Variants in ERC1 observed in about 807,000 individuals in gnomAD.
The protein encoded by ERC1 is ELKS/RAB6-interacting/CAST family member 1.
A neutral mutation model predicts 132.0 loss-of-function variants in ERC1; 56 were observed. The ratio of observed to expected loss-of-function variants is 0.42; its 90% CI spans 0.34 to 0.53. The LOEUF (loss-of-function observed/expected upper bound fraction) is 0.53, where lower values mean the gene tolerates loss of function less well. Among genes scored for constraint, ERC1 ranks in the 20% least tolerant of loss-of-function variants. The pLI is 0.03. For missense variants in ERC1, 1,202 were observed against 1,349.9 expected (o/e 0.89, Z 1.72); for synonymous variants, 478 against 476.1 (o/e 1.00, Z -0.05).
intron 1 of ERC1, among the ~76,000 whole-genome samples, chr12:1,008,985 G>A (rs541640577): frequency 1.3e-5 from 2 of 152,242 alleles, no homozygotes; most frequent in East Asian, 3.9e-4. Flanking sequence ...CAGGTCTGGA[G>A]TTTAGGAAAG....
chr12:1,023,136 C>G (rs35791297), intron 1 of ERC1, among the ~76,000 whole-genome samples: 5,047 of 152,232 alleles, frequency 0.033, 158 homozygotes, highest in South Asian at 0.046. Context: ...TGGACTAATA[C>G]AGGACTCTGA....
At chr12:1,240,518 G>C (rs112572950) in intron 13 of ERC1, among the ~76,000 whole-genome samples, 5 of 152,134 alleles carry the variant, frequency 3.3e-5, no homozygotes, top group African/African-American at 1.2e-4. Context: ...CCATATTTGC[G>C]TAGCCCTGGA....
chr12:1,227,593 C>T (rs2074689255), intron 12 of ERC1, among the ~76,000 whole-genome samples: 1 of 152,144 alleles, frequency 6.6e-6, no homozygotes, highest in African/African-American at 2.4e-5. Flanking sequence ...TTTTCCCATT[C>T]TTTAAGTTGT....
At chr12:1,420,998 A>C (rs2092406508) in intron 17 of ERC1, among the ~76,000 whole-genome samples, 1 of 150,336 alleles carries the variant, frequency 6.7e-6, no homozygotes, top group South Asian at 2.1e-4. Flanking sequence ...TTAAATTGAC[A>C]TCTAATAATT....
At chr12:1,362,226 A>G (rs1477614079) in intron 15 of ERC1, among the ~76,000 whole-genome samples, 2 of 152,214 alleles carry the variant, frequency 1.3e-5, no homozygotes, top group Non-Finnish European at 2.9e-5. Flanking sequence ...GTCTGACAGC[A>G]CTGAAGCTGT....
At chr12:1,345,814 T>C (rs1425432584) in intron 15 of ERC1, among the ~76,000 whole-genome samples, 8 of 152,220 alleles carry the variant, frequency 5.3e-5, no homozygotes, top group Non-Finnish European at 1.0e-4. Flanking sequence ...GTTTTGCTTA[T>C]TTAATTTTAT....
chr12:1,119,163 G>A (rs1003274811), intron 7 of ERC1, among the ~76,000 whole-genome samples: 3 of 152,150 alleles, frequency 2.0e-5, no homozygotes, highest in Non-Finnish European at 4.4e-5. Flanking sequence ...ACAGGCGTGA[G>A]CCACTGTGCC....
intron 15 of ERC1, among the ~76,000 whole-genome samples, chr12:1,360,949 T>C (rs2086035818): frequency 6.6e-6 from 1 of 151,746 alleles, no homozygotes; most frequent in African/African-American, 2.4e-5. Flanking sequence ...AAGCTAGGTA[T>C]GGTGATGCCA....
intron 17 of ERC1, among the ~76,000 whole-genome samples, chr12:1,431,961 A>G (rs571883148): frequency 2.0e-5 from 3 of 152,060 alleles, no homozygotes; most frequent in African/African-American, 7.2e-5. Flanking sequence ...TGCAGCCTCA[A>G]CCTCCTTCCC....
intron 2 of ERC1, among the ~76,000 whole-genome samples, chr12:1,071,621 G>T (rs1168972820): frequency 6.6e-6 from 1 of 151,666 alleles, no homozygotes; most frequent in Non-Finnish European, 1.5e-5. Context: ...GTTATATGTG[G>T]CATGCCAATT....
intron 1 of ERC1, chr12:998,350 A>C (rs953236769): frequency 6.6e-6 from 1 of 152,214 alleles, no homozygotes; most frequent in African/African-American, 2.4e-5. Flanking sequence ...ATGTGGGTGC[A>C]GTTGGCACCT....
intron 18 of ERC1, among the ~76,000 whole-genome samples, chr12:1,483,706 T>G (rs1428734468): frequency 2.7e-5 from 3 of 112,436 alleles, no homozygotes; most frequent in African/African-American, 1.1e-4. Context: ...TTTTTTTTTT[T>G]GGAGACAGAG....
In ERC1 at chr12:1,238,672, T is replaced by C. The variant is rs146284895; in HGVS notation, c.2487+1768T>C. On this transcript the variant is annotated intron_variant, in intron 13 of 18. Transcript: ENST00000360905. ...TGATAAGGCAAGCCTCTCTTTATGT[T>C]AGCACTTTAACTGTTTCATTTGTCT... is the stretch of plus-strand genomic sequence containing the variant. 1.6e-3 allele frequency among the ~76,000 whole-genome samples: 251 copies of C among 152,280 alleles called. 1 individual carries two copies. Among genetic ancestry groups the C allele is most frequent in the Middle Eastern group, 6.8e-3 (2 of 294 alleles).
intron 15 of ERC1, among the ~76,000 whole-genome samples, chr12:1,322,285 A>C (rs1202327090): frequency 1.3e-5 from 2 of 152,176 alleles, no homozygotes; most frequent in Non-Finnish European, 2.9e-5. Flanking sequence ...CTCTCACTAC[A>C]TGCTGGTTTT....
At chr12:1,470,470 T>A (rs1592251694) in intron 18 of ERC1, among the ~76,000 whole-genome samples, 1 of 151,826 alleles carries the variant, frequency 6.6e-6, no homozygotes, top group Middle Eastern at 3.4e-3. Flanking sequence ...TTTCTTCATC[T>A]TCTCCCTTTT....
intron 14 of ERC1, among the ~76,000 whole-genome samples, chr12:1,281,823 C>T (rs1371969707): frequency 1.3e-5 from 2 of 152,136 alleles, no homozygotes; most frequent in Non-Finnish European, 2.9e-5. Context: ...GTCAAAGTCA[C>T]CTAAATAGAA....
chr12:1,307,391 T>C (rs773583172), intron 15 of ERC1, among the ~76,000 whole-genome samples: 3 of 152,146 alleles, frequency 2.0e-5, no homozygotes, highest in Non-Finnish European at 4.4e-5. Flanking sequence ...GTGTTTGTTG[T>C]TTATTAGTAG....
At chr12:1,100,320 G>A (rs866076223) in intron 3 of ERC1, among the ~76,000 whole-genome samples, 1 of 152,186 alleles carries the variant, frequency 6.6e-6, no homozygotes, top group African/African-American at 2.4e-5. Flanking sequence ...AAGAGATGAG[G>A]CCAGAGAGGT....
intron 15 of ERC1, among the ~76,000 whole-genome samples, chr12:1,335,767 C>T (rs1409145552): frequency 6.6e-6 from 1 of 152,116 alleles, no homozygotes; most frequent in African/African-American, 2.4e-5. Context: ...GTCCCTCCTC[C>T]TCAATTTATT....
Sources: gnomAD v4.1 joint callset for allele counts (sites outside exome capture counted in the v4.1 genomes callset) on GRCh38, gnomAD v4.1.1 for gene constraint, MANE v1.5 for transcripts, NCBI Gene and HGNC (gene_info 2026-07-23, HGNC 2026-07-21) for gene names.